The following THRAP3 variants were observed in gnomAD, a reference collection of about 807,000 sequenced individuals.
THRAP3 encodes thyroid hormone receptor associated protein 3, also known as thyroid hormone receptor-associated protein 3.
Under a neutral mutation model 101.0 loss-of-function variants are expected in THRAP3, and 16 were observed. The ratio of observed to expected loss-of-function variants is 0.16; its 90% CI spans 0.11 to 0.24. The LOEUF is 0.24. Among genes scored for constraint, THRAP3 ranks in the 10% least tolerant of loss-of-function variants. The pLI, the probability that THRAP3 is intolerant of heterozygous loss-of-function variation, is 1.00. For missense variants in THRAP3, 989 were observed against 1,202.7 expected, an observed-to-expected ratio of 0.82 and a Z score of 2.63; for synonymous variants, 407 against 422.6, an observed-to-expected ratio of 0.96 and a Z score of 0.45.
chr1:36,234,900 T>C (rs750018550), intron 1 of THRAP3, among the ~76,000 whole-genome samples: 3 of 148,742 alleles, frequency 2.0e-5, no homozygotes, highest in African/African-American at 2.5e-5. Flanking sequence ...CTGCAACCTC[T>C]GCCTCCCGGT....
At chr1:36,230,568 A>G (rs1401031267) in intron 1 of THRAP3, among the ~76,000 whole-genome samples, 1 of 152,242 alleles carries the variant, frequency 6.6e-6, no homozygotes, top group East Asian at 1.9e-4. Flanking sequence ...CGGCCTAGAA[A>G]AGGAGCATTT....
At chr1:36,282,396 A>T (rs189522935) in intron 2 of THRAP3, 137 bp from the exon 3 acceptor site, 50,712 of 499,016 alleles carry the variant, frequency 0.1, 1,909 homozygotes, top group Middle Eastern at 0.19. Context: ...TTAAAAAAAA[A>T]TTTTTTTTTT....
chr1:36,245,500 C>T (rs1179341398), intron 1 of THRAP3, among the ~76,000 whole-genome samples: 1 of 152,090 alleles, frequency 6.6e-6, no homozygotes, highest in African/African-American at 2.4e-5. Flanking sequence ...AAACAAACTC[C>T]TTAAAGACCT....
intron 1 of THRAP3, among the ~76,000 whole-genome samples, chr1:36,258,192 G>C (rs998191663): frequency 6.6e-6 from 1 of 152,222 alleles, no homozygotes; most frequent in Non-Finnish European, 1.5e-5. Context: ...GCAGTTTGCA[G>C]TCCTGTAGCA....
At chr1:36,260,593 C>T (rs991169508) in intron 2 of THRAP3, among the ~76,000 whole-genome samples, 4 of 151,960 alleles carry the variant, frequency 2.6e-5, no homozygotes, top group South Asian at 2.1e-4. Flanking sequence ...GAGGCCGAGG[C>T]GGGCGGATCA....
chr1:36,215,114 C>T, the THRAP3 span, among the ~76,000 whole-genome samples: 3 of 151,818 alleles, frequency 2.0e-5, no homozygotes, highest in South Asian at 6.2e-4. Context: ...GTCCCAGCTA[C>T]TTGGGAGGCT....
At chr1:36,262,980 T>G in intron 2 of THRAP3, among the ~76,000 whole-genome samples, 1 of 141,632 alleles carries the variant, frequency 7.1e-6, no homozygotes, top group African/African-American at 2.5e-5. Context: ...TTTTTTTTTT[T>G]TTTGTATTTT....
chr1:36,215,843 G>A, the THRAP3 span, among the ~76,000 whole-genome samples: 8 of 151,568 alleles, frequency 5.3e-5, 1 homozygote, highest in East Asian at 1.9e-4. Flanking sequence ...TCTGCCTCCC[G>A]GGTTCAAGTG....
intron 1 of THRAP3, among the ~76,000 whole-genome samples, chr1:36,245,864 G>A (rs747770385): frequency 1.3e-5 from 2 of 152,020 alleles, no homozygotes; most frequent in African/African-American, 2.4e-5. Flanking sequence ...CCAAAATCAC[G>A]TATTTTTCAG....
At chr1:36,245,914 C>T (rs1645225247) in intron 1 of THRAP3, among the ~76,000 whole-genome samples, 1 of 152,172 alleles carries the variant, frequency 6.6e-6, no homozygotes, top group Non-Finnish European at 1.5e-5. Context: ...TATAGTACAT[C>T]TGATAATAAG....
chr1:36,281,824 A>G (rs1645734930), intron 2 of THRAP3, among the ~76,000 whole-genome samples: 1 of 151,904 alleles, frequency 6.6e-6, no homozygotes, highest in Middle Eastern at 3.2e-3. Context: ...TAATCCCAGC[A>G]CTTTGGGAGG....
At position 36,301,227 on chromosome 1, in the gene THRAP3, A is replaced by G. The variant is rs532284477; in HGVS notation, c.2502+143A>G. 73 of 897,562 alleles carry G rather than the reference A, an allele frequency of 8.1e-5. No individual in the cohort carries two copies. In the African/African-American group the frequency reaches 1.2e-3, roughly 14 times the overall value. The allele number at this position is 897,562 out of a possible 1,614,324, so 55.6% of individuals were successfully genotyped here. A position where few individuals can be genotyped will look rare whatever the true frequency, so the allele number is the denominator to read the frequency against. ...TGGAATCTTTGGTTCTCCTTCCCAC[A>G]TTTCCTGGCCTTTCCATTTTTTGTT... is the stretch of plus-strand genomic sequence containing the variant. On this transcript the variant is annotated intron_variant, in intron 10 of 11. Coordinates refer to ENST00000354618, the MANE Select transcript of THRAP3 (RefSeq NM_005119.4).
intron 2 of THRAP3, among the ~76,000 whole-genome samples, chr1:36,269,166 C>A (rs1355697227): frequency 6.6e-6 from 1 of 152,112 alleles, no homozygotes; most frequent in Non-Finnish European, 1.5e-5. Flanking sequence ...CCTCCAATTT[C>A]TGAACACACA....
At chr1:36,261,406 G>C (rs755015343) in intron 2 of THRAP3, among the ~76,000 whole-genome samples, 2 of 152,134 alleles carry the variant, frequency 1.3e-5, no homozygotes, top group African/African-American at 4.8e-5. Context: ...GGTGGTGGGC[G>C]CCTGTAGTCC....
the THRAP3 span, among the ~76,000 whole-genome samples, chr1:36,210,228 T>C: frequency 6.6e-6 from 1 of 151,704 alleles, no homozygotes; most frequent in South Asian, 2.1e-4. Flanking sequence ...TAGCTGGGCA[T>C]GGTGGCAGGC....
At chr1:36,275,726 A>T (rs1050122033) in intron 2 of THRAP3, among the ~76,000 whole-genome samples, 11 of 151,992 alleles carry the variant, frequency 7.2e-5, no homozygotes, top group African/African-American at 2.7e-4. Flanking sequence ...GCCACATGCA[A>T]AACAACAAAG....
intron 10 of THRAP3, 58 bp from the exon 11 acceptor site, chr1:36,301,495 G>T: frequency 6.3e-7 from 1 of 1,585,266 alleles, no homozygotes; most frequent in South Asian, 1.1e-5. Context: ...AAGCAGGGGG[G>T]TTTGTTCCCC....
Position 36,300,880 on chromosome 1 carries a change from T to C in THRAP3, c.2304-6T>C. 1 of 1,612,602 alleles carries C rather than the reference T, an allele frequency of 6.2e-7. No individual in the cohort carries two copies. Among genetic ancestry groups the C allele is most frequent in the South Asian group, 1.1e-5 (1 of 91,010 alleles). On this transcript the variant is annotated splice_region_variant and splice_polypyrimidine_tract_variant and intron_variant, in intron 9 of 11. Transcript: ENST00000354618. ...ATTGATCACCCTGGCTCTTCTCTTT[T>C]CACAGGAAGCATCGGAGAGCAAGAG...
chr1:36,303,751 C>T, intron 11 of THRAP3, 45 bp from the exon 12 acceptor site: 1 of 1,613,082 alleles, frequency 6.2e-7, no homozygotes, highest in Non-Finnish European at 8.5e-7. Context: ...GCTCTGGCCA[C>T]ATCTTGTTCA....
Sources: gnomAD v4.1 joint callset for allele counts (sites outside exome capture counted in the v4.1 genomes callset) on GRCh38, gnomAD v4.1.1 for gene constraint, MANE v1.5 for transcripts, NCBI Gene and HGNC (gene_info 2026-07-23, HGNC 2026-07-21) for gene names.